Variants in VRK3 observed in about 807,000 individuals in gnomAD.
The protein encoded by VRK3 is VRK serine/threonine kinase 3.
A neutral mutation model predicts 60.4 loss-of-function variants in VRK3; 50 were observed. That is an observed-to-expected ratio of 0.83 (90% CI 0.66 to 1.05). VRK3 has a LOEUF of 1.05. Among genes scored for constraint, VRK3 ranks in the 50% least tolerant of loss-of-function variants. The pLI is 0.00. For synonymous variants in VRK3, 246 were observed against 227.8 expected, an observed-to-expected ratio of 1.08 and a Z score of -0.72; for missense variants, 549 against 585.3, an observed-to-expected ratio of 0.94 and a Z score of 0.64.
At chr19:49,994,944 G>C in intron 8 of VRK3, 25 bp from the exon 9 acceptor site, 1 of 1,605,906 alleles carries the variant, frequency 6.2e-7, no homozygotes, top group South Asian at 1.1e-5. Flanking sequence ...CACCCCAGGA[G>C]GTGGGAGATG....
chr19:49,991,550 C>CACACACACACACACACACA (rs58965470), intron 10 of VRK3, among the ~76,000 whole-genome samples: 1 of 151,992 alleles, frequency 6.6e-6, no homozygotes, highest in African/African-American at 2.4e-5. Context: ...CACACACACA[C>CACACACACACACACACACA]CCTGCCAGTT....
At chr19:50,010,329 C>T (rs10417047) in intron 3 of VRK3, among the ~76,000 whole-genome samples, 7,989 of 152,164 alleles carry the variant, frequency 0.053, 692 homozygotes, top group African/African-American at 0.18. Flanking sequence ...TTGGCAGGTC[C>T]GATTCTGCAG....
At chr19:49,982,671 T>C (rs2076443484) in intron 12 of VRK3, among the ~76,000 whole-genome samples, 3 of 152,322 alleles carry the variant, frequency 2.0e-5, no homozygotes, top group East Asian at 1.9e-4. Flanking sequence ...AAGAATTGAT[T>C]TGGGGTTACA....
In VRK3 at chr19:49,979,392, G is replaced by C. The variant is rs567080998; in HGVS notation, c.1277-150C>G. 2.2e-4 allele frequency: 247 copies of C among 1,118,788 alleles called. No homozygotes were observed. The African/African-American group carries it at 3.4e-3, about 16-fold the overall frequency. 69.3% of individuals were successfully genotyped at this position (1,118,788 alleles called of 1,614,324 possible). A position where few individuals can be genotyped will look rare whatever the true frequency, so the allele number is the denominator to read the frequency against. On this transcript the variant is annotated intron_variant, in intron 13 of 14. Coordinates refer to ENST00000316763, the MANE Select transcript of VRK3 (RefSeq NM_016440.4). ...GCCCATTTTCTTGTTGCCTGGCATT[G>C]CCAGAGGACTTCAATTGTTTTTCAG...
chr19:49,994,082 G>A (rs927123952), intron 9 of VRK3, among the ~76,000 whole-genome samples: 3 of 152,064 alleles, frequency 2.0e-5, no homozygotes, highest in Admixed American at 6.6e-5. Context: ...CATCTCTTCC[G>A]CACTGCAGTG....
intron 12 of VRK3, chr19:49,986,398 G>A (rs1428132738): frequency 6.5e-6 from 1 of 153,236 alleles, no homozygotes; most frequent in East Asian, 1.9e-4. Context: ...AGAAGCCGGA[G>A]TCAGAAGCAG....
intron 12 of VRK3, chr19:49,982,142 C>G: frequency 1.4e-6 from 1 of 703,014 alleles, no homozygotes; most frequent in Non-Finnish European, 2.6e-6. Flanking sequence ...AGCCTTGTTT[C>G]TGGCATGACA....
At chr19:49,986,613 T>C (rs188621247) in intron 12 of VRK3, 1 of 152,442 alleles carries the variant, frequency 6.6e-6, no homozygotes, top group East Asian at 1.9e-4. Context: ...AGAAGGAAGT[T>C]GGGAGACACG....
intron 1 of VRK3, among the ~76,000 whole-genome samples, chr19:50,022,267 G>A (rs1247412150): frequency 6.6e-6 from 1 of 152,190 alleles, no homozygotes. Flanking sequence ...GGAAGCTGAT[G>A]TTGGGTGTGG....
chr19:50,003,361 G>C (rs187182225), intron 5 of VRK3, among the ~76,000 whole-genome samples: 1 of 152,208 alleles, frequency 6.6e-6, no homozygotes, highest in African/African-American at 2.4e-5. Context: ...TTGTTACAGC[G>C]GCCACAGGAA....
At position 49,989,691 on chromosome 19, in the gene VRK3, G is replaced by A. The variant is rs570802326; in HGVS notation, c.1044C>T (p.Ser348=). ...KHVAYVEGSR[S]PHEGDLEFIS... The stretch of plus-strand genomic sequence containing the variant: ...TGAACTCAAGGTCCCCCTCGTGAGG[G>A]CTCCTGCTGCCTTCCACGTAGGCCA... Residue 348 remains serine (S), a synonymous_variant, in exon 11 of 15, where the codon AGC becomes AGT. Coordinates refer to ENST00000316763, the MANE Select transcript of VRK3 (RefSeq NM_016440.4). The A allele has an allele frequency of 3.1e-6, 5 of 1,613,812 alleles. No individual in the cohort carries two copies. The South Asian group carries it at 5.5e-5, about 18-fold the overall frequency.
chr19:50,016,287 T>TAAGAA, intron 2 of VRK3, 124 bp from the exon 3 acceptor site: 2 of 1,274,900 alleles, frequency 1.6e-6, no homozygotes, highest in Non-Finnish European at 2.2e-6. Flanking sequence ...TTCAACTGTT[T>TAAGAA]GTGATGTTCA....
At chr19:49,978,064 G>A (rs1236937573) in intron 14 of VRK3, among the ~76,000 whole-genome samples, 2 of 152,216 alleles carry the variant, frequency 1.3e-5, no homozygotes, top group Non-Finnish European at 2.9e-5. Context: ...TGTTCAAGAT[G>A]CCCTGCGACT....
At chr19:50,007,304 G>A (rs555261437) in intron 5 of VRK3, among the ~76,000 whole-genome samples, 23 of 137,072 alleles carry the variant, frequency 1.7e-4, no homozygotes, top group African/African-American at 6.6e-4. Context: ...GGGTGAGGAG[G>A]GGCACACTTC....
At chr19:49,990,249 T>C (rs1399708494) in intron 10 of VRK3, among the ~76,000 whole-genome samples, 1 of 152,230 alleles carries the variant, frequency 6.6e-6, no homozygotes, top group Non-Finnish European at 1.5e-5. Flanking sequence ...TTCTCTCTGC[T>C]ATGATTTCTC....
intron 14 of VRK3, among the ~76,000 whole-genome samples, chr19:49,978,059 A>G (rs2076360626): frequency 6.6e-6 from 1 of 151,980 alleles, no homozygotes; most frequent in Non-Finnish European, 1.5e-5. Flanking sequence ...GATGCTGTTC[A>G]AGATGCCCTG....
chr19:50,020,165 T>C (rs1345170855), intron 2 of VRK3, among the ~76,000 whole-genome samples: 1 of 151,992 alleles, frequency 6.6e-6, no homozygotes, highest in Non-Finnish European at 1.5e-5. Flanking sequence ...CTCAGCATCC[T>C]GAGTAGCTGG....
intron 10 of VRK3, among the ~76,000 whole-genome samples, chr19:49,990,942 A>C (rs2076600172): frequency 6.6e-6 from 1 of 151,796 alleles, no homozygotes; most frequent in Non-Finnish European, 1.5e-5. Flanking sequence ...ATGCCACTAC[A>C]CCTGGATAGG....
intron 1 of VRK3, among the ~76,000 whole-genome samples, chr19:50,023,219 C>T (rs1345700105): frequency 6.6e-6 from 1 of 152,138 alleles, no homozygotes. Flanking sequence ...GAGTTTGGCT[C>T]TTTTCGCCCA....
Sources: allele counts gnomAD v4.1 joint callset (sites outside exome capture counted in the v4.1 genomes callset), GRCh38; gene constraint gnomAD v4.1.1; transcripts MANE v1.5; gene names NCBI Gene and HGNC (gene_info 2026-07-23, HGNC 2026-07-21).